The following ACAA1 variants were observed in gnomAD, a reference collection of about 807,000 sequenced individuals.
The protein encoded by ACAA1 is acetyl-CoA acyltransferase 1.
A neutral mutation model predicts 48.8 loss-of-function variants in ACAA1; 44 were observed. The observed-to-expected ratio is 0.90, with a 90% confidence interval of 0.71 to 1.16. The LOEUF (loss-of-function observed/expected upper bound fraction) is 1.16, where lower values mean the gene tolerates loss of function less well. Among genes scored for constraint, ACAA1 ranks in the 50% most tolerant of loss-of-function variants. ACAA1 has a pLI of 0.00. For missense variants in ACAA1, 512 were observed against 562.3 expected (o/e 0.91, Z 0.90); for synonymous variants, 233 against 226.5 (o/e 1.03, Z -0.26).
intron 2 of ACAA1, among the ~76,000 whole-genome samples, chr3:38,135,757 TATCTC>T (rs1280907389): frequency 6.6e-6 from 1 of 152,098 alleles, no homozygotes; most frequent in Non-Finnish European, 1.5e-5. Flanking sequence ...GCTTTCCTCT[TATCTC>T]AACTGCAAAG....
In ACAA1 at chr3:38,122,905, A is replaced by C. The variant is rs546313853; in HGVS notation, c.*142T>G. 1,948 of 885,850 alleles carry C rather than the reference A, an allele frequency of 2.2e-3. 2 individuals are homozygous for C. The highest frequency in any genetic ancestry group is 3.0e-3 in the Non-Finnish European group (1,730 of 574,966). 54.9% of individuals were successfully genotyped at this position (885,850 alleles called of 1,614,324 possible). Reference sequence around the variant, plus strand: ...ATGTCATCAGTGTTCACATTTTCCAAATGAGTTGAAGTGCCTTGATCTGTC... The same window carrying C: ...ATGTCATCAGTGTTCACATTTTCCACATGAGTTGAAGTGCCTTGATCTGTC... On this transcript the variant is annotated 3_prime_UTR_variant, in exon 12 of 12. Transcript: ENST00000333167.
intron 6 of ACAA1, among the ~76,000 whole-genome samples, chr3:38,128,693 GC>G (rs1399092134): frequency 6.6e-6 from 1 of 152,192 alleles, no homozygotes; most frequent in Non-Finnish European, 1.5e-5. Flanking sequence ...CTGGGTTCAT[GC>G]CATTTTCCTG....
Position 38,131,978 on chromosome 3 carries a change from G to A in ACAA1, c.351C>T (p.Ser117=). The A allele has an allele frequency of 6.2e-7, 1 of 1,613,924 alleles. No homozygotes were observed. Among genetic ancestry groups the A allele is most frequent in the Non-Finnish European group, 8.5e-7 (1 of 1,179,868 alleles). Residue 117 remains serine, a synonymous_variant, in exon 4 of 12, where the codon TCC becomes TCT. Coordinates refer to ENST00000333167, the MANE Select transcript of ACAA1 (RefSeq NM_001607.4). The part of the protein sequence containing the change: ...LSDIPETVPL[S]TVNRQCSSGL... ...CCGACGAACACTGTCTATTGACAGT[G>A]GACAAAGGCACAGTCTCCGGGATGT... is the stretch of plus-strand genomic sequence containing the variant.
In ACAA1 at chr3:38,123,142, TTGGC is replaced by T; in HGVS notation, c.1200-24_1200-21del. The T allele has an allele frequency of 1.2e-6, 2 of 1,613,170 alleles. No homozygotes were observed. Among genetic ancestry groups the T allele is most frequent in the East Asian group, 2.2e-5 (1 of 44,494 alleles). On this transcript the variant is annotated intron_variant, in intron 11 of 11. Transcript: ENST00000333167. ...TATGCCCTGTGAAAACAAAACTTAA[TTGGC>T]TGGGCAAAGGCACCCACCAAATTAC...
At position 38,136,677 on chromosome 3, in the gene ACAA1, G is replaced by A. The variant is rs764753369; in HGVS notation, c.180C>T (p.Thr60=). 3 of 1,611,776 alleles carry A rather than the reference G, an allele frequency of 1.9e-6. No homozygotes were observed. Among genetic ancestry groups the A allele is most frequent in the South Asian group, 1.1e-5 (1 of 90,950 alleles). The change falls in exon 2 of 12, where the codon ACC becomes ACT. Residue 60 remains threonine (T), a synonymous_variant. Coordinates refer to ENST00000333167, the MANE Select transcript of ACAA1 (RefSeq NM_001607.4). ...RAGRGGFKDT[T]PDELLSAVMT... ...TGACTGCCGAGAGAAGCTCGTCGGG[G>A]GTGGTGTCCTGCAGCAGAAAGAGCA...
chr3:38,136,342 T>C (rs1053382078), intron 2 of ACAA1, among the ~76,000 whole-genome samples: 2 of 152,208 alleles, frequency 1.3e-5, no homozygotes, highest in African/African-American at 4.8e-5. Context: ...CAATAAATAC[T>C]GAGGGAACTC....
At chr3:38,133,812 G>C in intron 3 of ACAA1, 140 bp downstream of exon 3, 1 of 792,738 alleles carries the variant, frequency 1.3e-6, no homozygotes, top group East Asian at 2.7e-5. Context: ...GAGTCCACAA[G>C]AGCAGGGAGC....
rs763654196 is a variant in ACAA1 at position 38,125,657 on chromosome 3, C to G, written c.1107G>C (p.Leu369=). The G allele has an allele frequency of 1.9e-6, 3 of 1,599,094 alleles. No individual in the cohort carries two copies. In the Admixed American group the frequency reaches 5.1e-5, roughly 27 times the overall value. Residue 369 remains leucine (L), a synonymous_variant, in exon 11 of 12, where the codon CTG becomes CTC. Transcript: ENST00000333167. ...LRLPPEKVNP[L]GGAVALGHPL... ...GGTGCCCTAAGGCCACTGCACCCCC[C>G]AGGGGGTTCACCTTCTCAGGGGGGA...
chr3:38,134,925 A>G (rs1700859990), intron 2 of ACAA1, among the ~76,000 whole-genome samples: 1 of 151,906 alleles, frequency 6.6e-6, no homozygotes, highest in Admixed American at 6.6e-5. Context: ...GAGGATTAGT[A>G]AAAGAGGAAG....
chr3:38,129,932 T>C lies in ACAA1; in HGVS notation c.447-544A>G, dbSNP rs1033873957. Among the ~76,000 whole-genome samples the C allele has an allele frequency of 5.0e-4, 76 of 151,784 alleles. No individual in the cohort carries two copies. The highest frequency in any genetic ancestry group is 1.8e-3 in the African/African-American group (76 of 41,336). On this transcript the variant is annotated intron_variant, in intron 5 of 11. Coordinates refer to ENST00000333167, the MANE Select transcript of ACAA1 (RefSeq NM_001607.4). This position sits in a 1 kb window ranked among gnomAD's most constrained non-coding sequence, Gnocchi z 5.3. Reference sequence around the variant, plus strand: ...CCGGGCATGGTGGCAGGCGCCAGGGTGGGAGGCTGAGGCAGGAGAATGGCG... The same window carrying C: ...CCGGGCATGGTGGCAGGCGCCAGGGCGGGAGGCTGAGGCAGGAGAATGGCG...
At chr3:38,125,942 C>A (rs1700672055) in intron 9 of ACAA1, 61 bp from the exon 10 acceptor site, 1 of 1,601,246 alleles carries the variant, frequency 6.2e-7, no homozygotes, top group Admixed American at 1.7e-5. Flanking sequence ...TGGGGCCCAC[C>A]CCATCCATGG....
In ACAA1 at chr3:38,136,898, C is replaced by A; in HGVS notation, c.138G>T (p.Thr46=). The A allele has an allele frequency of 6.5e-7, 1 of 1,533,260 alleles. No homozygotes were observed. The highest frequency in any genetic ancestry group is 2.5e-5 in the East Asian group (1 of 40,086). 95.0% of individuals were successfully genotyped at this position (1,533,260 alleles called of 1,614,324 possible). ...ADVVVVHGRR[T]AICRAGRGGF... ...CGCCGCGGCCCGCCCGGCAGATGGC[C>A]GTGCGCCGCCCGTGCACCACCACCA... Residue 46 remains threonine (T), a synonymous_variant, in exon 1 of 12, where the codon ACG becomes ACT. Coordinates refer to ENST00000333167, the MANE Select transcript of ACAA1 (RefSeq NM_001607.4).
intron 5 of ACAA1, among the ~76,000 whole-genome samples, 198 bp downstream of exon 5, chr3:38,131,398 G>A (rs1340745134): frequency 6.6e-6 from 1 of 152,196 alleles, no homozygotes; most frequent in Non-Finnish European, 1.5e-5. Context: ...TCCCCTGCTA[G>A]TGCTGAGAGG....
chr3:38,129,994 C>A lies in ACAA1; in HGVS notation c.447-606G>T, dbSNP rs908563509. Among the ~76,000 whole-genome samples, 1 of 152,102 alleles carries A rather than the reference C, an allele frequency of 6.6e-6. No homozygotes were observed. Among genetic ancestry groups the A allele is most frequent in the Non-Finnish European group, 1.5e-5 (1 of 68,034 alleles). On this transcript the variant is annotated intron_variant, in intron 5 of 11. Transcript: ENST00000333167. This position sits in a 1 kb window ranked among gnomAD's most constrained non-coding sequence, Gnocchi z 5.3. ...GGCGGAACTTGCAGTGAGATGAGAT[C>A]GTGTCACTGCACTCCAGCCTGGGCG...
chr3:38,125,677 G>T lies in ACAA1; in HGVS notation c.1087C>A (p.Pro363Thr), dbSNP rs142074753. The T allele has an allele frequency of 7.5e-6, 12 of 1,599,900 alleles. No individual in the cohort carries two copies. The highest frequency in any genetic ancestry group is 4.0e-5 in the African/African-American group (3 of 74,726). ...AYCVEKLRLPPEKVNPLGGAV... is the reference protein window; with the variant it reads ...AYCVEKLRLPTEKVNPLGGAV... Reference sequence around the variant, plus strand: ...CCCCCCAGGGGGTTCACCTTCTCAGGGGGGAGTCGTAGCTTCTCCACACAG... The same window carrying T: ...CCCCCCAGGGGGTTCACCTTCTCAGTGGGGAGTCGTAGCTTCTCCACACAG... Residue 363 changes from proline to threonine, a missense_variant, in exon 11 of 12, where the codon CCT becomes ACT. Coordinates refer to ENST00000333167, the MANE Select transcript of ACAA1 (RefSeq NM_001607.4).
intron 11 of ACAA1, chr3:38,125,147 G>C: frequency 6.4e-6 from 1 of 156,838 alleles, no homozygotes. Context: ...TAACTAATAT[G>C]ATGCACTATC....
chr3:38,125,416 TTTTGGGATTTCAACA>T, intron 11 of ACAA1, 134 bp downstream of exon 11: 1 of 1,005,398 alleles, frequency 9.9e-7, no homozygotes, highest in Admixed American at 3.1e-5. Flanking sequence ...GACTTTGATC[TTTTGGGATTTCAACA>T]TTTGGGATTA....
intron 11 of ACAA1, 134 bp from the exon 12 acceptor site, chr3:38,123,256 T>C (rs1033358355): frequency 3.8e-6 from 3 of 780,720 alleles, no homozygotes; most frequent in South Asian, 3.1e-5. Context: ...AGCGGTACCC[T>C]GGCCTCCCAC....
chr3:38,135,868 C>T (rs1700880981), intron 2 of ACAA1, among the ~76,000 whole-genome samples: 1 of 152,170 alleles, frequency 6.6e-6, no homozygotes, highest in Admixed American at 6.5e-5. Context: ...CAGCACAGAC[C>T]CTTTACGGGT....
Sources: gnomAD v4.1 joint callset for allele counts (sites outside exome capture counted in the v4.1 genomes callset) on GRCh38, gnomAD v4.1.1 for gene constraint, Gnocchi (gnomAD v3.1) non-coding constraint, MANE v1.5 for transcripts, NCBI Gene and HGNC (gene_info 2026-07-23, HGNC 2026-07-21) for gene names.